Variants in TCF25 observed in about 807,000 individuals in gnomAD.
The protein encoded by TCF25 is TCF25 ribosome quality control complex subunit.
Under a neutral mutation model 83.1 loss-of-function variants are expected in TCF25, and 41 were observed. The observed-to-expected ratio is 0.49, with a 90% CI of 0.38 to 0.64. TCF25 has a LOEUF of 0.64. TCF25 is among the 30% of genes least tolerant of loss of function. The pLI is 0.00. For synonymous variants in TCF25, 458 were observed against 365.0 expected, an observed-to-expected ratio of 1.25 and a Z score of -2.90; for missense variants, 979 against 914.5, an observed-to-expected ratio of 1.07 and a Z score of -0.91.
At chr16:89,903,544 G>T (rs758190349) in intron 12 of TCF25, among the ~76,000 whole-genome samples, 1 of 152,120 alleles carries the variant, frequency 6.6e-6, no homozygotes, top group South Asian at 2.1e-4. Context: ...GGTGGCGGAC[G>T]CCTGTAATCC....
chr16:89,885,273 C>G (rs940094781), intron 3 of TCF25, among the ~76,000 whole-genome samples: 6 of 151,986 alleles, frequency 3.9e-5, no homozygotes, highest in African/African-American at 1.5e-4. Context: ...TTGTTTTTAC[C>G]CTTGTTCCTC....
At chr16:89,878,408 A>C in intron 1 of TCF25, 1 of 1,219,150 alleles carries the variant, frequency 8.2e-7, no homozygotes, top group South Asian at 1.4e-5. Flanking sequence ...CGACATGGTG[A>C]AACTCCGTCT....
chr16:89,883,242 AC>A, intron 1 of TCF25, 108 bp from the exon 2 acceptor site: 2 of 1,464,760 alleles, frequency 1.4e-6, no homozygotes, highest in Middle Eastern at 2.0e-4. Flanking sequence ...TCTCGCACTG[AC>A]CCTGGGGGTC....
rs150168584 is a variant in TCF25, at chr16:89,909,277, C to T, written c.1800-1314C>T. On this transcript the variant is annotated intron_variant, in intron 16 of 17. Coordinates refer to ENST00000263346, the MANE Select transcript of TCF25 (RefSeq NM_014972.3). The stretch of plus-strand genomic sequence containing the variant: ...CTGTAATTCCAGCAGTTTGAGAGGC[C>T]AAGGTGGGCAAATCACAAGGTCAAG... The T allele has an allele frequency of 1.6e-4, 101 of 620,866 alleles. No individual in the cohort carries two copies. The African/African-American group carries it at 1.8e-3, about 11-fold the overall frequency. The allele number at this position is 620,866 out of a possible 1,614,324, so 38.5% of individuals were successfully genotyped here.
chr16:89,889,241 C>G, intron 5 of TCF25: 1 of 399,798 alleles, frequency 2.5e-6, no homozygotes, highest in Non-Finnish European at 4.9e-6. Flanking sequence ...CAGGGTCTTG[C>G]TGGGTTGTCC....
chr16:89,911,093 A>G lies in TCF25; in HGVS notation c.1886A>G (p.Glu629Gly). The G allele has an allele frequency of 6.2e-7, 1 of 1,610,982 alleles. No individual in the cohort carries two copies. The highest frequency in any genetic ancestry group is 8.5e-7 in the Non-Finnish European group (1 of 1,179,832). The change falls in exon 18 of 18, where the codon GAG becomes GGG. Residue 629 changes from glutamate to glycine, a missense_variant. Transcript: ENST00000263346. ...PNYTMEGERP[E>G]EGVAGGLNRN... is the part of the protein sequence containing the mutation. ...CCCTTGCTGCAGGGGGAGAGGCCCG[A>G]GGAAGGAGTGGCTGGGGGTCTGAAC...
intron 5 of TCF25, chr16:89,889,121 C>A: frequency 3.4e-6 from 1 of 297,016 alleles, no homozygotes; most frequent in Non-Finnish European, 6.4e-6. Flanking sequence ...GTGTCTGCTT[C>A]TGGGACTTTA....
At chr16:89,887,512 T>G in intron 4 of TCF25, 140 bp from the exon 5 acceptor site, 1 of 695,916 alleles carries the variant, frequency 1.4e-6, no homozygotes, top group Admixed American at 4.0e-5. Flanking sequence ...GGGGTGGTGA[T>G]TTTAGAGAAA....
intron 5 of TCF25, chr16:89,890,091 A>C (rs989597509): frequency 1.3e-5 from 2 of 151,572 alleles, no homozygotes; most frequent in Admixed American, 1.3e-4. Flanking sequence ...GCTGGTCTCG[A>C]TCTCCTGACC....
chr16:89,886,118 CT>C (rs1176404530), intron 4 of TCF25, 152 bp downstream of exon 4: 1 of 657,678 alleles, frequency 1.5e-6, no homozygotes, highest in Non-Finnish European at 2.7e-6. Context: ...AATGTACTGT[CT>C]TTATTTAAAA....
At chr16:89,895,695 T>C (rs2043797741) in intron 8 of TCF25, among the ~76,000 whole-genome samples, 1 of 152,212 alleles carries the variant, frequency 6.6e-6, no homozygotes, top group African/African-American at 2.4e-5. Flanking sequence ...GCACACGCAG[T>C]CTTAGGTGGA....
intron 7 of TCF25, among the ~76,000 whole-genome samples, chr16:89,894,660 C>T (rs1342224188): frequency 6.6e-6 from 1 of 152,090 alleles, no homozygotes; most frequent in African/African-American, 2.4e-5. Context: ...CGGTAATTCC[C>T]CCGTTTTTGT....
At chr16:89,878,147 G>A (rs145993998) in intron 1 of TCF25, among the ~76,000 whole-genome samples, 4 of 151,986 alleles carry the variant, frequency 2.6e-5, no homozygotes, top group African/African-American at 9.7e-5. Context: ...AAGTATAGTG[G>A]CACTCACCTG....
intron 6 of TCF25, 34 bp from the exon 7 acceptor site, chr16:89,893,694 C>T (rs367683109): frequency 6.5e-5 from 105 of 1,612,666 alleles, no homozygotes; most frequent in Admixed American, 8.3e-5. Context: ...TCCCTGCTCC[C>T]GGCACACCCT....
intron 7 of TCF25, 63 bp downstream of exon 7, chr16:89,893,921 G>T: frequency 6.5e-7 from 1 of 1,543,116 alleles, no homozygotes; most frequent in South Asian, 1.2e-5. Flanking sequence ...GCCCTGGGCC[G>T]CCTGCTTCCC....
chr16:89,890,530 C>T (rs1043814451), intron 5 of TCF25: 2 of 152,154 alleles, frequency 1.3e-5, no homozygotes, highest in African/African-American at 2.4e-5. Flanking sequence ...TTGTTCACGC[C>T]TTCCCTGGAT....
At position 89,905,065 on chromosome 16, in the gene TCF25, G is replaced by A. The variant is rs540673038; in HGVS notation, c.1597G>A (p.Gly533Arg). The A allele has an allele frequency of 2.2e-5, 35 of 1,601,916 alleles. No individual in the cohort carries two copies. Among genetic ancestry groups the A allele is most frequent in the South Asian group, 5.6e-5 (5 of 89,086 alleles). The part of the protein sequence containing the change: ...VHEVLQAVDA[G>R]DPAVEACENR... ...CGAGGTTCTGCAAGCAGTGGACGCC[G>A]GGGACCCAGCCGTGGAAGCCTGTGA... Residue 533 changes from glycine to arginine, a missense_variant, in exon 14 of 18, where the codon GGG becomes AGG. Transcript: ENST00000263346.
intron 2 of TCF25, 195 bp downstream of exon 2, chr16:89,883,707 T>A (rs2144000741): frequency 3.2e-6 from 2 of 618,980 alleles, no homozygotes; most frequent in Non-Finnish European, 2.8e-6. Flanking sequence ...CGCAGGCCTT[T>A]CTCCTGCATC....
rs1369159648 is a variant in TCF25, at chr16:89,873,716, G to C, written c.49G>C (p.Glu17Gln). The C allele has an allele frequency of 4.3e-6, 7 of 1,610,816 alleles. No homozygotes were observed. In the South Asian group the frequency reaches 6.6e-5, roughly 15 times the overall value. ...GCTGAGGGGGGAACAGCGCGGCCAG[G>C]AGCCCCTCGGGCCCGGCGCCTTGCA... The part of the protein sequence containing the change: ...RRLRGEQRGQ[E>Q]PLGPGALHFD... Residue 17 changes from glutamate to glutamine, a missense_variant, in exon 1 of 18, where the codon GAG becomes CAG. Transcript: ENST00000263346.
Sources: allele counts gnomAD v4.1 joint callset (sites outside exome capture counted in the v4.1 genomes callset), GRCh38; gene constraint gnomAD v4.1.1; transcripts MANE v1.5; gene names NCBI Gene and HGNC (gene_info 2026-07-23, HGNC 2026-07-21).